The following THOC1 variants were observed in gnomAD, a reference collection of about 807,000 sequenced individuals.
THOC1 encodes THO complex 1.
A neutral mutation model predicts 97.3 loss-of-function variants in THOC1; 29 were observed. The observed-to-expected ratio is 0.30, with a 90% CI of 0.22 to 0.41. The LOEUF (loss-of-function observed/expected upper bound fraction) is 0.41, where lower values mean the gene tolerates loss of function less well. THOC1 is among the 10% of genes least tolerant of loss of function. THOC1 has a pLI of 1.00. For synonymous variants in THOC1, 255 were observed against 257.0 expected (o/e 0.99, Z 0.07); for missense variants, 529 against 761.9 (o/e 0.69, Z 3.60).
At position 225,347 on chromosome 18, in the gene THOC1, G is replaced by A; in HGVS notation, c.1076C>T (p.Ser359Leu). ...QSLWIEDTTK[S>L]VYQLLSENPP... ...GCGTGTTGAACTTACTTGATAAACT[G>A]ATTTTGTAGTATCTTCAATCCAAAG... The change falls in exon 13 of 21, where the codon TCA becomes TTA. Residue 359 changes from serine to leucine, a missense_variant. Ser to Leu is a moderately radical substitution (Grantham distance 145). This residue lies in a region of THOC1 where 123 missense variants were observed against 159.0 expected (regional missense o/e 0.77). Transcript: ENST00000261600. The A allele has an allele frequency of 6.2e-7, 1 of 1,613,442 alleles. No individual in the cohort carries two copies. Among genetic ancestry groups the A allele is most frequent in the Non-Finnish European group, 8.5e-7 (1 of 1,179,674 alleles).
At chr18:225,627 A>C (rs1236761085) in intron 12 of THOC1, 7 of 516,656 alleles carry the variant, frequency 1.4e-5, no homozygotes, top group African/African-American at 1.9e-5. Context: ...AGGGAATAAA[A>C]CATTCAATTA....
chr18:249,181 C>A (rs893334847), intron 9 of THOC1, among the ~76,000 whole-genome samples: 1 of 152,174 alleles, frequency 6.6e-6, no homozygotes, highest in African/African-American at 2.4e-5. Context: ...AAGCTTTCAT[C>A]ATGAATTAGT....
intron 20 of THOC1, 101 bp downstream of exon 20, chr18:215,328 G>A: frequency 1.2e-6 from 1 of 848,706 alleles, no homozygotes; most frequent in Non-Finnish European, 1.9e-6. Context: ...AGATAAAATG[G>A]GAGAAGTTGA....
intron 1 of THOC1, among the ~76,000 whole-genome samples, chr18:266,127 G>A (rs1912759337): frequency 6.6e-6 from 1 of 152,174 alleles, no homozygotes; most frequent in Non-Finnish European, 1.5e-5. Context: ...AAACCATGCT[G>A]ACAATCTGTA....
At chr18:264,182 T>G (rs1452511414) in intron 3 of THOC1, 90 bp from the exon 4 acceptor site, 24 of 814,990 alleles carry the variant, frequency 2.9e-5, no homozygotes, top group Admixed American at 5.7e-5. Flanking sequence ...GATATTAAAT[T>G]GACTATCAGA....
At chr18:244,612 C>T (rs1424335715) in intron 11 of THOC1, 1 of 152,136 alleles carries the variant, frequency 6.6e-6, no homozygotes, top group African/African-American at 2.4e-5. Flanking sequence ...TTTCTTATCC[C>T]TTAGTGGCTT....
At chr18:233,690 G>C (rs1420471395) in intron 11 of THOC1, among the ~76,000 whole-genome samples, 1 of 152,098 alleles carries the variant, frequency 6.6e-6, no homozygotes, top group East Asian at 1.9e-4. Context: ...TATTGTTTTA[G>C]TTTTCTTCTT....
At chr18:250,083 T>C (rs890546433) in intron 9 of THOC1, among the ~76,000 whole-genome samples, 9 of 152,240 alleles carry the variant, frequency 5.9e-5, no homozygotes, top group Non-Finnish European at 1.0e-4. Flanking sequence ...TAAAAGACTT[T>C]TGATCTCTTC....
intron 11 of THOC1, among the ~76,000 whole-genome samples, chr18:236,482 A>C (rs1911698330): frequency 1.2e-5 from 1 of 84,588 alleles, no homozygotes; most frequent in Non-Finnish European, 2.5e-5. Context: ...CAGCCTCCCG[A>C]GTAGCTGGGA....
At position 259,177 on chromosome 18, in the gene THOC1, T is replaced by C. The variant is rs375931655; in HGVS notation, c.520+3A>G. On this transcript the variant is annotated splice_donor_region_variant and intron_variant, in intron 7 of 20. Transcript: ENST00000261600. ...AAAACTCATTTAATGCATAAAAGCT[T>C]ACCTGATTTCTCAGACAGAGGGAAA... The C allele has an allele frequency of 1.2e-6, 2 of 1,608,014 alleles. No individual in the cohort carries two copies. Among genetic ancestry groups the C allele is most frequent in the Non-Finnish European group, 1.7e-6 (2 of 1,176,780 alleles).
chr18:224,447 T>C (rs1275474834), intron 15 of THOC1, among the ~76,000 whole-genome samples: 1 of 151,556 alleles, frequency 6.6e-6, no homozygotes, highest in Non-Finnish European at 1.5e-5. Flanking sequence ...GGCATGGTGG[T>C]AGGCGCCTGT....
intron 17 of THOC1, among the ~76,000 whole-genome samples, chr18:221,774 A>T (rs1041994255): frequency 2.6e-5 from 4 of 152,006 alleles, no homozygotes; most frequent in Non-Finnish European, 5.9e-5. Context: ...ACACTTGGCT[A>T]ATTTTTTGTA....
chr18:228,332 A>G (rs1171762359), intron 11 of THOC1, among the ~76,000 whole-genome samples: 1 of 152,126 alleles, frequency 6.6e-6, no homozygotes, highest in African/African-American at 2.4e-5. Context: ...CCGAGACTTT[A>G]AGGCCCTTGA....
At chr18:257,831 GACAA>G (rs1209757680) in intron 7 of THOC1, among the ~76,000 whole-genome samples, 1 of 151,944 alleles carries the variant, frequency 6.6e-6, no homozygotes, top group African/African-American at 2.4e-5. Context: ...GGTAGAGAGA[GACAA>G]ACAGATGAAA....
In THOC1 at chr18:265,310, T is replaced by G; in HGVS notation, c.182A>C (p.Glu61Ala). ...ATGGAAAAACATACTTACAATTTCTTCTTCTAGAATACCTCTGAAAGCTTG... is the reference window on the plus strand; with the variant it reads ...ATGGAAAAACATACTTACAATTTCTGCTTCTAGAATACCTCTGAAAGCTTG... ...LDQAFRGILE[E>A]EIINHSSCEN... Residue 61 changes from glutamate (E) to alanine (A), a missense_variant, in exon 3 of 21, where the codon GAA becomes GCA. Glu to Ala is a moderately radical substitution (Grantham distance 107). Coordinates refer to ENST00000261600, the MANE Select transcript of THOC1 (RefSeq NM_005131.3). 1 of 1,589,368 alleles carries G rather than the reference T, an allele frequency of 6.3e-7. No individual in the cohort carries two copies. The highest frequency in any genetic ancestry group is 8.5e-7 in the Non-Finnish European group (1 of 1,172,442).
intron 1 of THOC1, among the ~76,000 whole-genome samples, chr18:266,531 C>T (rs1315311044): frequency 7.0e-6 from 1 of 143,590 alleles, no homozygotes; most frequent in Non-Finnish European, 1.5e-5. Context: ...CTTTTCAGGG[C>T]TAGTATGATT....
At chr18:252,348 T>A (rs1174779723) in intron 9 of THOC1, among the ~76,000 whole-genome samples, 191 bp downstream of exon 9, 1 of 152,168 alleles carries the variant, frequency 6.6e-6, no homozygotes, top group Non-Finnish European at 1.5e-5. Flanking sequence ...TGTCTGCACA[T>A]AATATAGAAA....
rs36101469 is a variant in THOC1 at position 246,916 on chromosome 18, C to CA, written c.787-462dup. ...CCCTTGAACCTGGGAGGCTCCGTCT[C>CA]AAAAAAAAAAAAAAAAAAAACGAAG... On this transcript the variant is annotated intron_variant, in intron 10 of 20. Coordinates refer to ENST00000261600, the MANE Select transcript of THOC1 (RefSeq NM_005131.3). Among the ~76,000 whole-genome samples the CA allele has an allele frequency of 6.9e-3, 677 of 98,070 alleles. 9 individuals carry two copies. The highest frequency in any genetic ancestry group is 0.049 in the East Asian group (131 of 2,650). The allele number at this position is 98,070 out of a possible 152,430, so 64.3% of individuals were successfully genotyped here.
intron 8 of THOC1, among the ~76,000 whole-genome samples, chr18:253,290 A>C (rs1912337955): frequency 6.6e-6 from 1 of 152,180 alleles, no homozygotes; most frequent in Admixed American, 6.5e-5. Context: ...CTAAAAAGAC[A>C]TCTGCATAAT....
Sources: gnomAD v4.1 joint callset for allele counts (sites outside exome capture counted in the v4.1 genomes callset) on GRCh38, gnomAD v4.1.1 for gene constraint, gnomAD v4.1.1 regional missense constraint, MANE v1.5 for transcripts, NCBI Gene and HGNC (gene_info 2026-07-23, HGNC 2026-07-21) for gene names.